Variants in GPX5 observed in about 807,000 individuals in gnomAD.
GPX5 encodes the protein glutathione peroxidase 5.
Under a neutral mutation model 23.8 loss-of-function variants are expected in GPX5, and 20 were observed. The ratio of observed to expected loss-of-function variants is 0.84; its 90% CI spans 0.59 to 1.22. The LOEUF (loss-of-function observed/expected upper bound fraction) is 1.22, where lower values mean the gene tolerates loss of function less well. Among genes scored for constraint, GPX5 ranks in the 50% most tolerant of loss-of-function variants. The pLI, the probability that GPX5 is intolerant of heterozygous loss-of-function variation, is 0.00. For missense variants in GPX5, 230 were observed against 266.6 expected (o/e 0.86, Z 0.96); for synonymous variants, 92 against 99.5 (o/e 0.92, Z 0.45).
intron 3 of GPX5, among the ~76,000 whole-genome samples, 170 bp downstream of exon 3, chr6:28,532,065 ACTCT>A (rs1763335142): frequency 6.6e-6 from 1 of 151,620 alleles, no homozygotes; most frequent in African/African-American, 2.4e-5. Flanking sequence ...CAGTTTCCAG[ACTCT>A]CTCTCCATCC....
In GPX5 at chr6:28,533,365, G is replaced by T. The variant is rs184772905; in HGVS notation, c.460-596G>T. On this transcript the variant is annotated intron_variant, in intron 4 of 4. Coordinates refer to ENST00000412168, the MANE Select transcript of GPX5 (RefSeq NM_001509.3). ...TATCATGCCTCTGCACCCCAGCCTGGGCGACACAGCGAGACTCTGTCTCAA... is the reference window on the plus strand; with the variant it reads ...TATCATGCCTCTGCACCCCAGCCTGTGCGACACAGCGAGACTCTGTCTCAA... Among the ~76,000 whole-genome samples, 122 of 151,768 alleles carry T rather than the reference G, an allele frequency of 8.0e-4. 1 individual carries two copies. The highest frequency in any genetic ancestry group is 4.3e-4 in the Non-Finnish European group (29 of 67,892).
chr6:28,529,697 A>G (rs1178048496), intron 2 of GPX5, 93 bp downstream of exon 2: 17 of 951,212 alleles, frequency 1.8e-5, no homozygotes, highest in Admixed American at 3.0e-5. Flanking sequence ...AATTATAATT[A>G]TGTACCAAAA....
In GPX5 at chr6:28,529,458, G is replaced by T. The variant is rs1490442675; in HGVS notation, c.95G>T (p.Cys32Phe). 6.2e-7 allele frequency: 1 copy of T among 1,605,346 alleles called. No homozygotes were observed. Among genetic ancestry groups the T allele is most frequent in the East Asian group, 2.2e-5 (1 of 44,672 alleles). The change falls in exon 2 of 5, where the codon TGC becomes TTC. Residue 32 changes from cysteine (C) to phenylalanine (F), a missense_variant. Physicochemically the swap from Cys to Phe is radical, Grantham distance 205. Coordinates refer to ENST00000412168, the MANE Select transcript of GPX5 (RefSeq NM_001509.3). The part of the protein sequence containing the change: ...SPKQEKMKMD[C>F]HKDEKGTIYD... ...TTAAAAAAAATCTTCCAGATGGATT[G>T]CCACAAAGACGAGAAAGGCACCATC... is the stretch of plus-strand genomic sequence containing the variant.
Position 28,534,226 on chromosome 6 carries a change from AC to A in GPX5, c.*63del. 8.0e-7 allele frequency: 1 copy of A among 1,249,788 alleles called. No individual in the cohort carries two copies. Among genetic ancestry groups the A allele is most frequent in the Non-Finnish European group, 1.1e-6 (1 of 915,994 alleles). The allele number at this position is 1,249,788 out of a possible 1,614,324, so 77.4% of individuals were successfully genotyped here. On this transcript the variant is annotated 3_prime_UTR_variant, in exon 5 of 5. Transcript: ENST00000412168. ...TCTCACCTAATGACTTGCTCTCCCCACCCCTCCAAAAAAAAGGAATACCCAT... is the reference window on the plus strand; with the variant it reads ...TCTCACCTAATGACTTGCTCTCCCCACCCTCCAAAAAAAAGGAATACCCAT...
Position 28,529,556 on chromosome 6 carries a change from C to A in GPX5, c.193C>A (p.Leu65Ile). Reference sequence around the variant, plus strand: ...CAAGCAGTATGTGGGCAAGCACATCCTCTTCGTCAACGTGGCCACCTACTG... The same window carrying A: ...CAAGCAGTATGTGGGCAAGCACATCATCTTCGTCAACGTGGCCACCTACTG... ...SFKQYVGKHI[L>I]FVNVATYCGL... Residue 65 changes from leucine to isoleucine, a missense_variant, in exon 2 of 5, where the codon CTC (leucine) becomes ATC (isoleucine). Physicochemically the swap from Leu to Ile is conservative, Grantham distance 5 (BLOSUM62 2). Transcript: ENST00000412168. The A allele has an allele frequency of 6.2e-7, 1 of 1,612,642 alleles. No individual in the cohort carries two copies. The highest frequency in any genetic ancestry group is 8.5e-7 in the Non-Finnish European group (1 of 1,178,982).
chr6:28,530,270 T>C (rs556508633), intron 2 of GPX5: 1 of 152,342 alleles, frequency 6.6e-6, no homozygotes, highest in South Asian at 2.1e-4. Context: ...TCCTCCCTTT[T>C]TGTACATTAT....
In GPX5 at chr6:28,534,102, C is replaced by G; in HGVS notation, c.601C>G (p.Arg201Gly). Reference sequence around the variant, plus strand: ...AATCCCTGTCATGCGCTGGTCCCACCGGGCTACGGTCAGCTCAGTCAAGAC... The same window carrying G: ...AATCCCTGTCATGCGCTGGTCCCACGGGGCTACGGTCAGCTCAGTCAAGAC... ...DGIPVMRWSH[R>G]ATVSSVKTDI... is the part of the protein sequence containing the mutation. Residue 201 changes from arginine (R) to glycine (G), a missense_variant, in exon 5 of 5, where the codon CGG becomes GGG. Physicochemically the swap from Arg to Gly is moderately radical, Grantham distance 125. Coordinates refer to ENST00000412168, the MANE Select transcript of GPX5 (RefSeq NM_001509.3). 11 of 1,611,376 alleles carry G rather than the reference C, an allele frequency of 6.8e-6. No homozygotes were observed. The highest frequency in any genetic ancestry group is 9.3e-6 in the Non-Finnish European group (11 of 1,178,980).
chr6:28,527,608 C>T (rs980361010), intron 1 of GPX5: 11 of 152,202 alleles, frequency 7.2e-5, no homozygotes, highest in African/African-American at 2.7e-4. Flanking sequence ...TCCAGGAAGT[C>T]TAGTTTAATC....
chr6:28,532,298 G>A (rs375591565), intron 3 of GPX5, 23 bp from the exon 4 acceptor site: 12 of 1,435,222 alleles, frequency 8.4e-6, no homozygotes, highest in Non-Finnish European at 1.1e-5. Context: ...GGAGCTTCCT[G>A]GGAACATTAT....
rs536914105 is a variant in GPX5, at chr6:28,534,114, A to C, written c.613A>C (p.Ser205Arg). 4.3e-6 allele frequency: 7 copies of C among 1,609,556 alleles called. No homozygotes were observed. In the East Asian group the frequency reaches 1.6e-4, roughly 36 times the overall value. Residue 205 changes from serine (S) to arginine (R), a missense_variant, in exon 5 of 5, where the codon AGC becomes CGC. By Grantham distance (110) the Ser-to-Arg change is moderately radical. Coordinates refer to ENST00000412168, the MANE Select transcript of GPX5 (RefSeq NM_001509.3). ...VMRWSHRATVSSVKTDILAYL... is the reference protein window; with the variant it reads ...VMRWSHRATVRSVKTDILAYL... ...GCGCTGGTCCCACCGGGCTACGGTCAGCTCAGTCAAGACAGACATCCTGGC... is the reference window on the plus strand; with the variant it reads ...GCGCTGGTCCCACCGGGCTACGGTCCGCTCAGTCAAGACAGACATCCTGGC...
chr6:28,530,738 C>T (rs934173417), intron 2 of GPX5, among the ~76,000 whole-genome samples: 1 of 152,116 alleles, frequency 6.6e-6, no homozygotes, highest in African/African-American at 2.4e-5. Context: ...TATTCAGTTT[C>T]CACCCTGCAA....
At chr6:28,531,962 C>A (rs1763332936) in intron 3 of GPX5, 67 bp downstream of exon 3, 1 of 1,110,246 alleles carries the variant, frequency 9.0e-7, no homozygotes, top group Admixed American at 1.8e-5. Context: ...AGAGGCCCTT[C>A]CAGCTCAGGA....
intron 1 of GPX5, among the ~76,000 whole-genome samples, chr6:28,527,500 A>C (rs1763233290): frequency 6.6e-6 from 1 of 152,194 alleles, no homozygotes. Context: ...ACAGGACTAG[A>C]AAAAAGTTGT....
At chr6:28,528,383 A>C (rs1382703948) in intron 1 of GPX5, 1 of 152,198 alleles carries the variant, frequency 6.6e-6, no homozygotes, top group Non-Finnish European at 1.5e-5. Context: ...CCAGGTTCAC[A>C]AAGGAATTTA....
rs1280702735 is a variant in GPX5, at chr6:28,531,387, AAAAAAAGAAAAGAAAAGAAAAG to A, written c.242-386_242-365del. Among the ~76,000 whole-genome samples, 9 of 100,158 alleles carry A rather than the reference AAAAAAAGAAAAGAAAAGAAAAG, an allele frequency of 9.0e-5. No individual in the cohort carries two copies. The South Asian group carries it at 1.5e-3, about 17-fold the overall frequency. The allele number at this position is 100,158 out of a possible 152,430, so 65.7% of individuals were successfully genotyped here. On this transcript the variant is annotated intron_variant, in intron 2 of 4. Coordinates refer to ENST00000412168, the MANE Select transcript of GPX5 (RefSeq NM_001509.3). ...ATCTGTCTCAAAAAAAAAAAAAAAAAAAAAAAGAAAAGAAAAGAAAAGAAAAGAAAAGAAAAGAAAAGTCACC... is the reference window on the plus strand; with the variant it reads ...ATCTGTCTCAAAAAAAAAAAAAAAAAAAAAGAAAAGAAAAGAAAAGTCACC...
intron 4 of GPX5, among the ~76,000 whole-genome samples, chr6:28,533,136 A>G (rs2113637090): frequency 6.6e-6 from 1 of 152,210 alleles, no homozygotes; most frequent in Middle Eastern, 3.4e-3. Flanking sequence ...AACAAAAACA[A>G]AAAAAGTAAC....
At chr6:28,526,383 G>C (rs913919631) in intron 1 of GPX5, among the ~76,000 whole-genome samples, 1 of 152,166 alleles carries the variant, frequency 6.6e-6, no homozygotes, top group Admixed American at 6.6e-5. Flanking sequence ...GGCCACATCA[G>C]TCTCTGCTTC....
At chr6:28,532,090 C>T (rs1302259818) in intron 3 of GPX5, among the ~76,000 whole-genome samples, 195 bp downstream of exon 3, 1 of 152,002 alleles carries the variant, frequency 6.6e-6, no homozygotes, top group Non-Finnish European at 1.5e-5. Flanking sequence ...CTGGCTGAGA[C>T]TTGGATGGAC....
intron 4 of GPX5, 83 bp downstream of exon 4, chr6:28,532,503 G>A: frequency 1.1e-6 from 1 of 894,718 alleles, no homozygotes; most frequent in Non-Finnish European, 1.8e-6. Context: ...GGATCCAAGG[G>A]CTCATGCCCA....
Sources: gnomAD v4.1 joint callset for allele counts (sites outside exome capture counted in the v4.1 genomes callset) on GRCh38, gnomAD v4.1.1 for gene constraint, MANE v1.5 for transcripts, NCBI Gene and HGNC (gene_info 2026-07-23, HGNC 2026-07-21) for gene names.